The following STAU2 variants were observed in gnomAD, a reference collection of about 807,000 sequenced individuals.
STAU2 encodes the protein double-stranded RNA-binding protein Staufen homolog 2.
A neutral mutation model predicts 65.9 loss-of-function variants in STAU2; 20 were observed. The observed-to-expected ratio is 0.30, with a 90% CI of 0.21 to 0.44. STAU2 has a LOEUF of 0.44. Among genes scored for constraint, STAU2 ranks in the 20% least tolerant of loss-of-function variants. STAU2 has a pLI of 1.00. For missense variants in STAU2, 558 were observed against 683.9 expected (o/e 0.82, Z 2.05); for synonymous variants, 232 against 233.9 (o/e 0.99, Z 0.07).
At chr8:73,656,144 G>C (rs2130280509) in intron 6 of STAU2, among the ~76,000 whole-genome samples, 1 of 152,226 alleles carries the variant, frequency 6.6e-6, no homozygotes, top group Non-Finnish European at 1.5e-5. Flanking sequence ...CATTTACAGA[G>C]CTTTTTTTCT....
intron 3 of STAU2, among the ~76,000 whole-genome samples, chr8:73,731,780 A>G (rs1806084720): frequency 6.6e-6 from 1 of 152,054 alleles, no homozygotes; most frequent in Non-Finnish European, 1.5e-5. Flanking sequence ...TCTACTAAAA[A>G]TACAAAAAAT....
intron 6 of STAU2, among the ~76,000 whole-genome samples, chr8:73,633,964 C>A (rs1288391329): frequency 1.3e-5 from 2 of 151,722 alleles, no homozygotes; most frequent in South Asian, 2.1e-4. Flanking sequence ...AGTGACAAAG[C>A]GAGACTCCAT....
At chr8:73,747,252 C>G, upstream of STAU2, 4 of 1,088,406 alleles carry the variant, frequency 3.7e-6, no homozygotes, top group Non-Finnish European at 5.1e-6. Flanking sequence ...CGGCGCGACT[C>G]CCCGCCCCCT....
chr8:73,566,412 T>C (rs1236886091), intron 12 of STAU2, among the ~76,000 whole-genome samples: 3 of 152,146 alleles, frequency 2.0e-5, no homozygotes, highest in East Asian at 3.8e-4. Flanking sequence ...CAAATATCAA[T>C]CTGGTATCTG....
chr8:73,738,480 T>C (rs775285968), intron 2 of STAU2, 131 bp from the exon 3 acceptor site: 8 of 676,584 alleles, frequency 1.2e-5, no homozygotes, highest in Non-Finnish European at 1.6e-5. Flanking sequence ...GAACTTTCTA[T>C]GATGATAAAA....
chr8:73,626,514 G>A (rs915051125), intron 6 of STAU2, among the ~76,000 whole-genome samples: 2 of 152,272 alleles, frequency 1.3e-5, no homozygotes, highest in South Asian at 2.1e-4. Flanking sequence ...CTATTTACCC[G>A]AGGAGAGGCA....
At chr8:73,631,873 G>A (rs1425883639) in intron 6 of STAU2, among the ~76,000 whole-genome samples, 1 of 152,026 alleles carries the variant, frequency 6.6e-6, no homozygotes, top group Non-Finnish European at 1.5e-5. Flanking sequence ...TAAATATATA[G>A]TCCAAATATT....
Position 73,422,613 on chromosome 8 carries a change from CTT to C in STAU2, c.1618_1619del (p.Lys540ThrfsTer12). On this transcript the variant is annotated frameshift_variant and splice_region_variant, in exon 14 of 15. Coordinates refer to ENST00000524300, the MANE Select transcript of STAU2 (RefSeq NM_001164380.2). LOFTEE classifies it high-confidence loss of function. ...AGAATACTGACAGGGGATTTACTCA[CTT>C]TTCAAGAGAACCTTTTTCGATATTC... is the stretch of plus-strand genomic sequence containing the variant. ...AMNIEKGSLE[K>X]QAKHLREKAD... The C allele has an allele frequency of 6.6e-7, 1 of 1,511,436 alleles. No individual in the cohort carries two copies. Among genetic ancestry groups the C allele is most frequent in the South Asian group, 1.3e-5 (1 of 77,736 alleles). The allele number at this position is 1,511,436 out of a possible 1,614,324, so 93.6% of individuals were successfully genotyped here.
At chr8:73,701,060 G>A (rs1011472693) in intron 4 of STAU2, among the ~76,000 whole-genome samples, 7 of 152,070 alleles carry the variant, frequency 4.6e-5, no homozygotes, top group African/African-American at 1.7e-4. Flanking sequence ...GGGAAAGCTA[G>A]ATATCCATAT....
chr8:73,438,919 T>C (rs749283014), intron 13 of STAU2: 8 of 456,394 alleles, frequency 1.8e-5, no homozygotes, highest in South Asian at 9.3e-5. Flanking sequence ...GCTGTCTTCC[T>C]TCCCGCTGTT....
chr8:73,702,067 A>G (rs145055711), intron 4 of STAU2, among the ~76,000 whole-genome samples: 2 of 152,292 alleles, frequency 1.3e-5, no homozygotes, highest in African/African-American at 4.8e-5. Flanking sequence ...AAGGATGGTT[A>G]CTAGAGATTG....
intron 6 of STAU2, among the ~76,000 whole-genome samples, chr8:73,638,130 C>G (rs1814685269): frequency 1.3e-5 from 2 of 151,754 alleles, no homozygotes; most frequent in Non-Finnish European, 2.9e-5. Flanking sequence ...CTGGCAGGGG[C>G]AGGGGCAAAA....
At chr8:73,541,538 C>A (rs758075273) in intron 13 of STAU2, among the ~76,000 whole-genome samples, 2 of 152,112 alleles carry the variant, frequency 1.3e-5, no homozygotes, top group African/African-American at 4.8e-5. Context: ...ATTTTTCAAA[C>A]AGAAACTAAA....
intron 8 of STAU2, 110 bp from the exon 9 acceptor site, chr8:73,614,066 T>C (rs1426461513): frequency 5.4e-6 from 4 of 741,150 alleles, no homozygotes; most frequent in Admixed American, 3.2e-5. Flanking sequence ...GCCAAAATTA[T>C]AGTATTTCTT....
At chr8:73,638,932 G>A (rs959941623) in intron 6 of STAU2, among the ~76,000 whole-genome samples, 2 of 150,710 alleles carry the variant, frequency 1.3e-5, no homozygotes, top group Non-Finnish European at 3.0e-5. Context: ...AACAGAAATA[G>A]TTGATTAATA....
At chr8:73,737,027 G>A (rs891106702) in intron 3 of STAU2, among the ~76,000 whole-genome samples, 4 of 152,036 alleles carry the variant, frequency 2.6e-5, no homozygotes, top group Non-Finnish European at 5.9e-5. Context: ...ACCATGACTG[G>A]CTGATTTTTT....
intron 10 of STAU2, among the ~76,000 whole-genome samples, chr8:73,597,749 GA>G (rs1480126197): frequency 6.7e-6 from 1 of 148,776 alleles, no homozygotes; most frequent in African/African-American, 2.5e-5. Context: ...AGATACAATG[GA>G]AAAATTCCTA....
At chr8:73,703,815 G>A (rs1820293637) in intron 4 of STAU2, among the ~76,000 whole-genome samples, 1 of 152,192 alleles carries the variant, frequency 6.6e-6, no homozygotes, top group African/African-American at 2.4e-5. Context: ...TACAAAGAGA[G>A]ATGATTACGA....
intron 12 of STAU2, among the ~76,000 whole-genome samples, chr8:73,553,190 C>T (rs994333958): frequency 6.6e-6 from 1 of 152,168 alleles, no homozygotes; most frequent in Non-Finnish European, 1.5e-5. Context: ...ACTGCTTATT[C>T]TTATCTTTTG....
Sources: gnomAD v4.1 joint callset for allele counts (sites outside exome capture counted in the v4.1 genomes callset) on GRCh38, gnomAD v4.1.1 for gene constraint, MANE v1.5 for transcripts, NCBI Gene and HGNC (gene_info 2026-07-23, HGNC 2026-07-21) for gene names.